The following NUDT9 variants were observed in gnomAD, a reference collection of about 807,000 sequenced individuals.
The protein encoded by NUDT9 is nudix hydrolase 9.
In NUDT9, 31 loss-of-function variants were observed where a neutral mutation model predicts 41.0. The ratio of observed to expected loss-of-function variants is 0.76; its 90% CI spans 0.57 to 1.02. The LOEUF (loss-of-function observed/expected upper bound fraction) is 1.02, where lower values mean the gene tolerates loss of function less well. Ranked by LOEUF, NUDT9 falls within the 50% of genes least tolerant of loss-of-function variation. The probability of loss-of-function intolerance (pLI) is 0.00; values close to 1 mark genes in which losing one functional copy is unlikely to be tolerated. For synonymous variants in NUDT9, 146 were observed against 147.6 expected, an observed-to-expected ratio of 0.99 and a Z score of 0.08; for missense variants, 380 against 431.4, an observed-to-expected ratio of 0.88 and a Z score of 1.06.
chr4:87,441,827 A>G lies in NUDT9; in HGVS notation c.444-2A>G. 1 of 1,612,620 alleles carries G rather than the reference A, an allele frequency of 6.2e-7. No individual in the cohort carries two copies. Among genetic ancestry groups the G allele is most frequent in the East Asian group, 2.2e-5 (1 of 44,850 alleles). On this transcript the variant is annotated splice_acceptor_variant, in intron 3 of 7. Transcript: ENST00000302174. LOFTEE classifies it high-confidence loss of function. The stretch of plus-strand genomic sequence containing the variant: ...GATTTTATGCTTTTTTTGTTTTTCC[A>G]GAAATCCTGCAGGACGGACTGGACT...
In NUDT9 at chr4:87,454,452, A is replaced by G; in HGVS notation, c.871A>G (p.Thr291Ala). 1.9e-6 allele frequency: 3 copies of G among 1,592,136 alleles called. No homozygotes were observed. Among genetic ancestry groups the G allele is most frequent in the Non-Finnish European group, 2.6e-6 (3 of 1,160,016 alleles). Residue 291 changes from threonine (T) to alanine (A), a missense_variant, in exon 7 of 8, where the codon ACA becomes GCA. By Grantham distance (58) the Thr-to-Ala change is moderately conservative (BLOSUM62 0). Coordinates refer to ENST00000302174, the MANE Select transcript of NUDT9 (RefSeq NM_024047.5). Reference sequence around the variant, plus strand: ...AGAAGCTGTGAACTACCATGACGAAACAGGTAACTTTATATTTATTAAACT... The same window carrying G: ...AGAAGCTGTGAACTACCATGACGAAGCAGGTAACTTTATATTTATTAAACT... Reference protein sequence around the residue: ...ETEAVNYHDETGEIMDNLMLE... With the variant: ...ETEAVNYHDEAGEIMDNLMLE...
At chr4:87,437,506 A>G (rs1722000779) in intron 2 of NUDT9, among the ~76,000 whole-genome samples, 1 of 150,518 alleles carries the variant, frequency 6.6e-6, no homozygotes, top group East Asian at 2.0e-4. Flanking sequence ...ATGCCCAGCT[A>G]ATTTTTTGTA....
intron 1 of NUDT9, among the ~76,000 whole-genome samples, chr4:87,434,075 G>C (rs767358897): frequency 2.0e-5 from 3 of 152,062 alleles, no homozygotes; most frequent in African/African-American, 7.2e-5. Flanking sequence ...TATTTTTTGA[G>C]ATGGAGTCTC....
intron 7 of NUDT9, among the ~76,000 whole-genome samples, chr4:87,455,665 T>C (rs892479561): frequency 2.0e-5 from 3 of 151,204 alleles, no homozygotes; most frequent in Non-Finnish European, 2.9e-5. Flanking sequence ...TTTCTTTTTT[T>C]TTTTTTTTAA....
At chr4:87,435,845 A>G (rs749500175) in intron 2 of NUDT9, among the ~76,000 whole-genome samples, 1 of 152,234 alleles carries the variant, frequency 6.6e-6, no homozygotes, top group African/African-American at 2.4e-5. Flanking sequence ...TTTAAGGTGT[A>G]CAATGTGATA....
chr4:87,426,984 G>T (rs1433377114), intron 1 of NUDT9, among the ~76,000 whole-genome samples: 2 of 151,028 alleles, frequency 1.3e-5, no homozygotes, highest in Non-Finnish European at 2.9e-5. Context: ...GCCAGGTGTG[G>T]TAGCATATGC....
rs143064258 is a variant in NUDT9, at chr4:87,453,992, C to T, written c.790-379C>T. 2.7e-3 allele frequency among the ~76,000 whole-genome samples: 399 copies of T among 150,468 alleles called. 6 individuals carry two copies. Among genetic ancestry groups the T allele is most frequent in the Admixed American group, 0.02 (299 of 15,086 alleles). ...CTCCTGTCTTAGCCTCCCGAGTAGC[C>T]GGGACTACAGGCACCTACCACCATG... is the stretch of plus-strand genomic sequence containing the variant. On this transcript the variant is annotated intron_variant, in intron 6 of 7. Coordinates refer to ENST00000302174, the MANE Select transcript of NUDT9 (RefSeq NM_024047.5).
chr4:87,423,348 C>T lies in NUDT9; in HGVS notation c.107+336C>T, dbSNP rs143390520. On this transcript the variant is annotated intron_variant, in intron 1 of 7. Transcript: ENST00000302174. ...TAAAACATTATTATTAGTATTAATACATGTACATAGTTAAAACAACTTGAA... is the reference window on the plus strand; with the variant it reads ...TAAAACATTATTATTAGTATTAATATATGTACATAGTTAAAACAACTTGAA... Among the ~76,000 whole-genome samples, 86 of 152,218 alleles carry T rather than the reference C, an allele frequency of 5.6e-4. 1 individual carries two copies. Among genetic ancestry groups the T allele is most frequent in the Non-Finnish European group, 9.6e-4 (65 of 68,000 alleles).
chr4:87,424,248 T>C (rs1721295313), intron 1 of NUDT9, among the ~76,000 whole-genome samples: 1 of 138,060 alleles, frequency 7.2e-6, no homozygotes. Context: ...CATTTCTCCC[T>C]AATGCGTTTT....
intron 1 of NUDT9, among the ~76,000 whole-genome samples, chr4:87,432,476 C>CT (rs927127397): frequency 1.3e-5 from 2 of 151,214 alleles, no homozygotes; most frequent in African/African-American, 4.9e-5. Context: ...ATACCTTTTC[C>CT]TTTTTTTTTC....
At chr4:87,429,226 A>G (rs1182386298) in intron 1 of NUDT9, among the ~76,000 whole-genome samples, 1 of 152,084 alleles carries the variant, frequency 6.6e-6, no homozygotes, top group Non-Finnish European at 1.5e-5. Flanking sequence ...ATCATGGTTC[A>G]CTGCAGCCTT....
At chr4:87,433,409 T>A (rs1019314057) in intron 1 of NUDT9, among the ~76,000 whole-genome samples, 2 of 152,222 alleles carry the variant, frequency 1.3e-5, no homozygotes, top group East Asian at 3.8e-4. Flanking sequence ...TGGGTCTGTC[T>A]TGTGTTTCCT....
chr4:87,441,745 A>T, intron 3 of NUDT9, 84 bp from the exon 4 acceptor site: 1 of 1,052,648 alleles, frequency 9.5e-7, no homozygotes, highest in Non-Finnish European at 1.5e-6. Flanking sequence ...CTTACTGCTT[A>T]TGTTCTCTTC....
At chr4:87,446,070 G>C (rs947089520) in intron 4 of NUDT9, among the ~76,000 whole-genome samples, 59 of 151,848 alleles carry the variant, frequency 3.9e-4, no homozygotes, top group African/African-American at 1.3e-3. Flanking sequence ...CACCTGGCCA[G>C]TGGCCAGCAT....
At chr4:87,430,630 A>G (rs112364998) in intron 1 of NUDT9, among the ~76,000 whole-genome samples, 1 of 152,056 alleles carries the variant, frequency 6.6e-6, no homozygotes, top group Non-Finnish European at 1.5e-5. Context: ...GGTCATTCTA[A>G]TGGGTCTGAG....
At chr4:87,438,893 G>A (rs766913126) in intron 3 of NUDT9, among the ~76,000 whole-genome samples, 5 of 152,228 alleles carry the variant, frequency 3.3e-5, no homozygotes, top group Middle Eastern at 3.4e-3. Flanking sequence ...CTGGCCGGGC[G>A]CAGTGGCTCA....
intron 4 of NUDT9, among the ~76,000 whole-genome samples, chr4:87,448,886 T>C (rs1722587786): frequency 6.6e-6 from 1 of 152,226 alleles, no homozygotes; most frequent in South Asian, 2.1e-4. Flanking sequence ...TAGTAAAAAT[T>C]GTTTATATCC....
At chr4:87,455,858 C>T (rs191781142) in intron 7 of NUDT9, among the ~76,000 whole-genome samples, 7 of 151,932 alleles carry the variant, frequency 4.6e-5, no homozygotes, top group Non-Finnish European at 1.0e-4. Flanking sequence ...GATGGGGTTT[C>T]ACCATGTTGG....
In NUDT9 at chr4:87,449,041, C is replaced by G. The variant is rs546900750; in HGVS notation, c.531-101C>G. On this transcript the variant is annotated intron_variant, in intron 4 of 7. Transcript: ENST00000302174. ...CTGATTTGAGATAAATTTATATATA[C>G]TCTGCTTTAAAGAAAAAGTCCTTGT... 25 of 642,236 alleles carry G rather than the reference C, an allele frequency of 3.9e-5. No homozygotes were observed. The South Asian group carries it at 4.5e-4, about 12-fold the overall frequency. The allele number at this position is 642,236 out of a possible 1,614,324, so 39.8% of individuals were successfully genotyped here.
Sources: allele counts gnomAD v4.1 joint callset (sites outside exome capture counted in the v4.1 genomes callset), GRCh38; gene constraint gnomAD v4.1.1; transcripts MANE v1.5; gene names NCBI Gene and HGNC (gene_info 2026-07-23, HGNC 2026-07-21).